SVEP1: variants seen among roughly 807,000 people sequenced by gnomAD.
SVEP1 encodes sushi, von Willebrand factor type A, EGF and pentraxin domain containing 1.
SVEP1 carries 164 observed loss-of-function variants against 367.3 expected under a neutral mutation model. The ratio of observed to expected loss-of-function variants is 0.45; its 90% CI spans 0.39 to 0.51. The LOEUF (loss-of-function observed/expected upper bound fraction) is 0.51, where lower values mean the gene tolerates loss of function less well. Among genes scored for constraint, SVEP1 ranks in the 20% least tolerant of loss-of-function variants. SVEP1 has a pLI of 0.00. For missense variants in SVEP1, 4,117 were observed against 4,425.3 expected (o/e 0.93, Z 1.98); for synonymous variants, 1,666 against 1,611.6 (o/e 1.03, Z -0.81).
intron 27 of SVEP1, among the ~76,000 whole-genome samples, chr9:110,436,819 A>G (rs941259593): frequency 6.6e-6 from 1 of 152,208 alleles, no homozygotes; most frequent in Non-Finnish European, 1.5e-5. Flanking sequence ...TTTCTTGTAG[A>G]AAATCACCCT....
At chr9:110,486,667 A>AG (rs1829283599) in intron 9 of SVEP1, among the ~76,000 whole-genome samples, 1 of 114,614 alleles carries the variant, frequency 8.7e-6, no homozygotes, top group South Asian at 2.7e-4. Context: ...TTTTTTTTTT[A>AG]GATGGAGTCT....
At position 110,483,631 on chromosome 9, in the gene SVEP1, C is replaced by T; in HGVS notation, c.1993G>A (p.Val665Ile). ...SPPPVQVSEKVHAASWDEPQF... is the reference protein window; with the variant it reads ...SPPPVQVSEKIHAASWDEPQF... ...GGCTCATCCCAGCTTGCGGCATGTA[C>T]CTTCTCCGAGACCTGGACGGGAGGT... is the stretch of plus-strand genomic sequence containing the variant. Residue 665 changes from valine (V) to isoleucine (I), a missense_variant, in exon 10 of 48, where the codon GTA becomes ATA. By Grantham distance (29) the Val-to-Ile change is conservative (BLOSUM62 3). Coordinates refer to ENST00000374469, the MANE Select transcript of SVEP1 (RefSeq NM_153366.4). The T allele has an allele frequency of 6.2e-7, 1 of 1,612,404 alleles. No homozygotes were observed. The highest frequency in any genetic ancestry group is 8.5e-7 in the Non-Finnish European group (1 of 1,179,114).
chr9:110,544,044 G>T (rs1041296018), intron 3 of SVEP1, among the ~76,000 whole-genome samples: 1 of 152,010 alleles, frequency 6.6e-6, no homozygotes, highest in South Asian at 2.1e-4. Flanking sequence ...GGGGGTTTCT[G>T]CCAGCTGGGA....
At position 110,512,995 on chromosome 9, in the gene SVEP1, G is replaced by T; in HGVS notation, c.1234C>A (p.Leu412Ile). Residue 412 changes from leucine (L) to isoleucine (I), a missense_variant, in exon 5 of 48, where the codon CTT (leucine) becomes ATT (isoleucine). Leu to Ile is a conservative substitution (Grantham distance 5). Coordinates refer to ENST00000374469, the MANE Select transcript of SVEP1 (RefSeq NM_153366.4). ...CGVRCHPGFD[L>I]VGSSIILCLP... ...CATAAGATGATGCTGCTTCCCACAA[G>T]ATCAAATCCAGGGTGACATCGGACC... The T allele has an allele frequency of 6.2e-7, 1 of 1,613,998 alleles. No individual in the cohort carries two copies. Among genetic ancestry groups the T allele is most frequent in the South Asian group, 1.1e-5 (1 of 91,086 alleles).
chr9:110,430,050 C>T (rs755682186), intron 33 of SVEP1, 46 bp from the exon 34 acceptor site: 1 of 1,572,532 alleles, frequency 6.4e-7, no homozygotes, highest in South Asian at 1.1e-5. Context: ...AGACTGTGTG[C>T]AAAAATCTTT....
intron 5 of SVEP1, among the ~76,000 whole-genome samples, chr9:110,511,729 A>T (rs1829719241): frequency 6.6e-6 from 1 of 151,818 alleles, no homozygotes. Flanking sequence ...TTTATAGATG[A>T]GTTCAGTATT....
At chr9:110,410,338 T>C (rs559738724) in intron 37 of SVEP1, among the ~76,000 whole-genome samples, 1 of 152,290 alleles carries the variant, frequency 6.6e-6, no homozygotes, top group South Asian at 2.1e-4. Context: ...CAGGACATAT[T>C]TGGGTTGGAC....
chr9:110,561,788 T>C (rs563535112), intron 1 of SVEP1, among the ~76,000 whole-genome samples: 1 of 152,316 alleles, frequency 6.6e-6, no homozygotes, highest in East Asian at 1.9e-4. Flanking sequence ...GTAATTGAGC[T>C]TTCCTATTTA....
At chr9:110,370,483 C>T (rs556480740) in intron 46 of SVEP1, among the ~76,000 whole-genome samples, 19 of 152,186 alleles carry the variant, frequency 1.2e-4, no homozygotes, top group South Asian at 1.0e-3. Context: ...TTAAGTCAGA[C>T]GTCAACTTTT....
At chr9:110,440,851 C>T (rs2118583628) in intron 27 of SVEP1, among the ~76,000 whole-genome samples, 1 of 152,286 alleles carries the variant, frequency 6.6e-6, no homozygotes, top group African/African-American at 2.4e-5. Flanking sequence ...CACACCTGCT[C>T]CACCTGTGGG....
intron 39 of SVEP1, among the ~76,000 whole-genome samples, chr9:110,401,416 A>C (rs1044284912): frequency 6.6e-6 from 1 of 151,876 alleles, no homozygotes. Flanking sequence ...AGAAACAGTA[A>C]ATTTTAGGCA....
chr9:110,490,239 T>A (rs1829347201), intron 8 of SVEP1, among the ~76,000 whole-genome samples: 1 of 152,232 alleles, frequency 6.6e-6, no homozygotes, highest in African/African-American at 2.4e-5. Context: ...AAGGTACATG[T>A]AATAATTTCA....
chr9:110,425,052 T>C (rs544471603), intron 36 of SVEP1, among the ~76,000 whole-genome samples: 49 of 152,236 alleles, frequency 3.2e-4, no homozygotes, highest in Middle Eastern at 3.4e-3. Context: ...GAGGCTTTCC[T>C]TCCAGTCTGG....
chr9:110,447,971 C>T lies in SVEP1; in HGVS notation c.4104-914G>A, dbSNP rs1004876067. ...TATCATGCTGAGTGGAAAAAAAAACCGAATTGCAAAAAGAATATGTATGTT... is the reference window on the plus strand; with the variant it reads ...TATCATGCTGAGTGGAAAAAAAAACTGAATTGCAAAAAGAATATGTATGTT... On this transcript the variant is annotated intron_variant, in intron 24 of 47. Transcript: ENST00000374469. 4.6e-5 allele frequency among the ~76,000 whole-genome samples: 7 copies of T among 151,954 alleles called. No individual in the cohort carries two copies. The East Asian group carries it at 7.7e-4, about 17-fold the overall frequency.
chr9:110,440,267 T>C (rs752110638), intron 27 of SVEP1, among the ~76,000 whole-genome samples: 26 of 152,218 alleles, frequency 1.7e-4, no homozygotes, highest in Non-Finnish European at 3.4e-4. Flanking sequence ...CTCTTCTATA[T>C]ACACTATGCT....
Position 110,528,156 on chromosome 9 carries a change from G to GTGTGTGTGTGTATATATATATA in SVEP1, c.965-14051_965-14050insTATATATATATACACACACACA. Among the ~76,000 whole-genome samples, 154 of 33,914 alleles carry GTGTGTGTGTGTATATATATATA rather than the reference G, an allele frequency of 4.5e-3. 1 individual carries two copies. Among genetic ancestry groups the GTGTGTGTGTGTATATATATATA allele is most frequent in the Middle Eastern group, 0.038 (1 of 26 alleles). 22.2% of individuals were successfully genotyped at this position (33,914 alleles called of 152,430 possible). ...CGTGTGTGTGTGTGTGTGTGTGTGTGTATATATATATATATATATATATAT... is the reference window on the plus strand; with the variant it reads ...CGTGTGTGTGTGTGTGTGTGTGTGTGTGTGTGTGTGTATATATATATATATATATATATATATATATATATAT... On this transcript the variant is annotated intron_variant, in intron 3 of 47. Transcript: ENST00000374469.
At chr9:110,487,790 A>G (rs540623500) in intron 9 of SVEP1, among the ~76,000 whole-genome samples, 2 of 152,164 alleles carry the variant, frequency 1.3e-5, no homozygotes, top group Non-Finnish European at 2.9e-5. Context: ...TCTCACAATG[A>G]GGTAATACAT....
intron 1 of SVEP1, among the ~76,000 whole-genome samples, chr9:110,552,955 G>A (rs1830309744): frequency 6.6e-6 from 1 of 152,222 alleles, no homozygotes; most frequent in Non-Finnish European, 1.5e-5. Context: ...TATGGCAGTA[G>A]ATGACACCAC....
chr9:110,459,447 C>T (rs533113357), intron 18 of SVEP1, among the ~76,000 whole-genome samples: 5 of 152,284 alleles, frequency 3.3e-5, no homozygotes, highest in African/African-American at 1.2e-4. Context: ...TGTTGCATCT[C>T]ATTGACAGAC....
Sources: gnomAD v4.1 joint callset for allele counts (sites outside exome capture counted in the v4.1 genomes callset) on GRCh38, gnomAD v4.1.1 for gene constraint, MANE v1.5 for transcripts, NCBI Gene and HGNC (gene_info 2026-07-23, HGNC 2026-07-21) for gene names.